Variants in RGS6 observed in about 807,000 individuals in gnomAD.
The protein encoded by RGS6 is regulator of G-protein signaling 6.
RGS6 carries 30 observed loss-of-function variants against 78.5 expected under a neutral mutation model. That is an observed-to-expected ratio of 0.38 (90% confidence interval 0.29 to 0.52). RGS6 has a LOEUF of 0.52. Among genes scored for constraint, RGS6 ranks in the 20% least tolerant of loss-of-function variants. The pLI is 0.85. For missense variants in RGS6, 495 were observed against 609.7 expected (o/e 0.81, Z 1.98); for synonymous variants, 206 against 206.0 (o/e 1.00, Z 0.00).
rs533461212 is a variant in RGS6, at chr14:72,272,060, C to G, written c.85-80035C>G. On this transcript the variant is annotated intron_variant, in intron 2 of 17. Transcript: ENST00000553525. ...CTTAATTCTAAGCAATCTTAATTCC[C>G]TTTTGCCATGTAGCTGAACATATCC... 2.0e-5 allele frequency among the ~76,000 whole-genome samples: 3 copies of G among 152,212 alleles called. No homozygotes were observed. In the East Asian group the frequency reaches 5.8e-4, roughly 29 times the overall value.
At chr14:72,064,678 G>A (rs989962231) in intron 2 of RGS6, among the ~76,000 whole-genome samples, 2 of 152,212 alleles carry the variant, frequency 1.3e-5, no homozygotes, top group South Asian at 2.1e-4. Context: ...GGGCCACCAA[G>A]CCTTGAATGA....
At chr14:72,193,746 C>T (rs1178814572) in intron 2 of RGS6, among the ~76,000 whole-genome samples, 1 of 152,154 alleles carries the variant, frequency 6.6e-6, no homozygotes, top group African/African-American at 2.4e-5. Context: ...AGAGACATGA[C>T]ATGAAGTTCT....
chr14:72,052,983 T>TTCTTTCTTTCTTTCTC (rs1447550101), intron 2 of RGS6, among the ~76,000 whole-genome samples: 3 of 85,580 alleles, frequency 3.5e-5, no homozygotes, highest in Non-Finnish European at 6.4e-5. Context: ...CTTTCTTTCT[T>TTCTTTCTTTCTTTCTC]TCTCTCTCTC....
At position 72,543,456 on chromosome 14, in the gene RGS6, C is replaced by G. The variant is rs550158255; in HGVS notation, c.1422+3362C>G. The stretch of plus-strand genomic sequence containing the variant: ...GAGCCTGTCTCTGCCTAATCCTGCT[C>G]ATGGGGAAGCTTCCTTTCACAGTGG... On this transcript the variant is annotated intron_variant, in intron 17 of 17. Transcript: ENST00000553525. Among the ~76,000 whole-genome samples the G allele has an allele frequency of 6.6e-5, 10 of 152,322 alleles. No homozygotes were observed. In the South Asian group the frequency reaches 1.9e-3, roughly 28 times the overall value.
intron 2 of RGS6, among the ~76,000 whole-genome samples, chr14:72,109,665 G>C (rs1001565911): frequency 1.3e-5 from 2 of 152,138 alleles, no homozygotes; most frequent in Non-Finnish European, 2.9e-5. Flanking sequence ...AGGTTAATCC[G>C]CATGCTTTAG....
intron 16 of RGS6, chr14:72,537,797 T>C: frequency 1.9e-6 from 1 of 537,444 alleles, no homozygotes; most frequent in Non-Finnish European, 3.3e-6. Context: ...TCTGGTAGTT[T>C]AACCAGTCTA....
At chr14:72,383,494 G>A (rs1445210951) in intron 3 of RGS6, among the ~76,000 whole-genome samples, 2 of 151,990 alleles carry the variant, frequency 1.3e-5, no homozygotes, top group Non-Finnish European at 2.9e-5. Context: ...TCAAGATTCT[G>A]TAAACCTGCA....
At chr14:71,873,489 T>G in the RGS6 span, among the ~76,000 whole-genome samples, 93,089 of 151,964 alleles carry the variant, frequency 0.61, 29,214 homozygotes, top group East Asian at 0.77. Flanking sequence ...TGATGGGGTT[T>G]TTTGATTTTT....
At chr14:72,329,403 C>A (rs1462465360) in intron 2 of RGS6, among the ~76,000 whole-genome samples, 1 of 152,254 alleles carries the variant, frequency 6.6e-6, no homozygotes, top group African/African-American at 2.4e-5. Context: ...GTGGGCAAGG[C>A]AGCATGCCAG....
chr14:72,080,280 G>C (rs529565408), intron 2 of RGS6, among the ~76,000 whole-genome samples: 7 of 151,930 alleles, frequency 4.6e-5, no homozygotes, highest in Non-Finnish European at 1.0e-4. Context: ...TTCCTGATTA[G>C]TGTTGTTATT....
chr14:72,095,211 ATAATTTAG>A, intron 2 of RGS6, among the ~76,000 whole-genome samples: 1 of 152,186 alleles, frequency 6.6e-6, no homozygotes, highest in South Asian at 2.1e-4. Flanking sequence ...GTTTTAACAA[ATAATTTAG>A]CCCTATCAAG....
At chr14:72,044,946 TTGTATC>T (rs2092717938) in intron 2 of RGS6, among the ~76,000 whole-genome samples, 1 of 152,226 alleles carries the variant, frequency 6.6e-6, no homozygotes, top group African/African-American at 2.4e-5. Flanking sequence ...ATTCTGGGTC[TTGTATC>T]TGCAGTCCCG....
intron 2 of RGS6, among the ~76,000 whole-genome samples, chr14:72,312,757 G>C (rs2068969903): frequency 6.6e-6 from 1 of 152,188 alleles, no homozygotes; most frequent in African/African-American, 2.4e-5. Flanking sequence ...GCTTAGAAGA[G>C]AGTGTGACAC....
chr14:71,984,159 G>A (rs1174691065), intron 2 of RGS6, among the ~76,000 whole-genome samples: 2 of 152,016 alleles, frequency 1.3e-5, no homozygotes, highest in African/African-American at 4.8e-5. Context: ...TAGGTAAGTG[G>A]TATTCACCCT....
At chr14:72,323,457 T>C (rs2072690885) in intron 2 of RGS6, among the ~76,000 whole-genome samples, 1 of 151,150 alleles carries the variant, frequency 6.6e-6, no homozygotes, top group East Asian at 1.9e-4. Flanking sequence ...AACAATAGAA[T>C]CTACAGGGGT....
chr14:72,163,317 G>A (rs1467766835), intron 2 of RGS6, among the ~76,000 whole-genome samples: 3 of 152,202 alleles, frequency 2.0e-5, no homozygotes, highest in Non-Finnish European at 2.9e-5. Context: ...TTATGAGGTG[G>A]TTGGTAAAAG....
At chr14:72,451,905 C>T (rs970048247) in intron 3 of RGS6, among the ~76,000 whole-genome samples, 1 of 152,044 alleles carries the variant, frequency 6.6e-6, no homozygotes, top group Non-Finnish European at 1.5e-5. Flanking sequence ...GCATGTGGCA[C>T]CACGCCTGGC....
At chr14:72,218,375 A>G (rs2046067686) in intron 2 of RGS6, among the ~76,000 whole-genome samples, 2 of 152,124 alleles carry the variant, frequency 1.3e-5, no homozygotes, top group Non-Finnish European at 2.9e-5. Context: ...GTGTTAATGT[A>G]TTAATATGTT....
At chr14:72,107,648 T>C (rs897082145) in intron 2 of RGS6, among the ~76,000 whole-genome samples, 1 of 152,188 alleles carries the variant, frequency 6.6e-6, no homozygotes, top group Non-Finnish European at 1.5e-5. Flanking sequence ...ACATAGATGT[T>C]ATATGTATTT....
Sources: gnomAD v4.1 joint callset for allele counts (sites outside exome capture counted in the v4.1 genomes callset) on GRCh38, gnomAD v4.1.1 for gene constraint, MANE v1.5 for transcripts, NCBI Gene and HGNC (gene_info 2026-07-23, HGNC 2026-07-21) for gene names.